Variants in QTMAN observed in about 807,000 individuals in gnomAD.
QTMAN encodes the protein queuosine-tRNA mannosyltransferase.
chr2:143,971,898 A>C, the QTMAN span, among the ~76,000 whole-genome samples: 13 of 152,310 alleles, frequency 8.5e-5, no homozygotes, highest in Non-Finnish European at 1.5e-4. Flanking sequence ...TTCACAATTC[A>C]GTCAATATTT....
the QTMAN span, chr2:144,235,716 A>T: frequency 5.9e-5 from 9 of 152,570 alleles, no homozygotes; most frequent in Admixed American, 1.3e-4. Context: ...ACATATGTCC[A>T]ATCTGGCTAA....
chr2:144,003,222 G>A, the QTMAN span, among the ~76,000 whole-genome samples: 5 of 151,650 alleles, frequency 3.3e-5, no homozygotes. Context: ...AGAGTATGAA[G>A]GAGTCTTGAG....
the QTMAN span, among the ~76,000 whole-genome samples, chr2:144,099,867 G>A: frequency 1.3e-5 from 2 of 152,196 alleles, no homozygotes; most frequent in Non-Finnish European, 2.9e-5. Context: ...TCACCTACAG[G>A]TAGGAATGTT....
At chr2:144,251,685 A>G in the QTMAN span, among the ~76,000 whole-genome samples, 1 of 152,146 alleles carries the variant, frequency 6.6e-6, no homozygotes, top group South Asian at 2.1e-4. Flanking sequence ...TTTTAGATAT[A>G]ACACCAAAAA....
the QTMAN span, among the ~76,000 whole-genome samples, chr2:144,316,554 C>T: frequency 6.6e-6 from 1 of 152,058 alleles, no homozygotes; most frequent in African/African-American, 2.4e-5. Context: ...ATCACCTGCC[C>T]TCCGTATATG....
the QTMAN span, among the ~76,000 whole-genome samples, chr2:144,217,899 T>C: frequency 7.9e-5 from 12 of 152,342 alleles, no homozygotes; most frequent in South Asian, 2.1e-3. Flanking sequence ...AAACAATCTG[T>C]AGTATTTCTG....
the QTMAN span, among the ~76,000 whole-genome samples, chr2:143,948,459 AC>A: frequency 2.0e-5 from 3 of 152,150 alleles, no homozygotes; most frequent in Non-Finnish European, 4.4e-5. Flanking sequence ...ACCAGAGAAT[AC>A]CATTCAATTT....
the QTMAN span, among the ~76,000 whole-genome samples, chr2:144,267,865 A>C: frequency 1.3e-5 from 2 of 152,202 alleles, no homozygotes; most frequent in Admixed American, 1.3e-4. Flanking sequence ...CATTATACTT[A>C]ATAACAACTG....
At chr2:144,011,488 C>T in the QTMAN span, among the ~76,000 whole-genome samples, 1 of 151,984 alleles carries the variant, frequency 6.6e-6, no homozygotes, top group Non-Finnish European at 1.5e-5. Context: ...AATTACTTCA[C>T]ATCAATACCA....
the QTMAN span, among the ~76,000 whole-genome samples, chr2:144,099,590 G>A: frequency 2.6e-5 from 4 of 152,190 alleles, no homozygotes; most frequent in East Asian, 1.9e-4. Flanking sequence ...ATTTCAAGCC[G>A]TAATTGTGTA....
the QTMAN span, among the ~76,000 whole-genome samples, chr2:144,106,381 C>T: frequency 6.6e-6 from 1 of 152,082 alleles, no homozygotes; most frequent in Admixed American, 6.6e-5. Flanking sequence ...CAGAGACACA[C>T]ATAGGCTCAA....
At chr2:144,112,034 T>C in the QTMAN span, among the ~76,000 whole-genome samples, 1 of 152,204 alleles carries the variant, frequency 6.6e-6, no homozygotes, top group Non-Finnish European at 1.5e-5. Flanking sequence ...TATGTTTAAA[T>C]GAAGAATAAC....
the QTMAN span, among the ~76,000 whole-genome samples, chr2:144,321,385 A>G: frequency 0.021 from 3,186 of 152,340 alleles, 48 homozygotes; most frequent in Middle Eastern, 0.037. Context: ...AGAAGTCAAA[A>G]GTATAATTCC....
At chr2:144,208,848 T>A in the QTMAN span, 2 of 1,118,794 alleles carry the variant, frequency 1.8e-6, no homozygotes, top group Middle Eastern at 2.5e-4. Flanking sequence ...ATTACATACA[T>A]GTATAAAATT....
At chr2:144,129,536 G>A in the QTMAN span, among the ~76,000 whole-genome samples, 8 of 151,920 alleles carry the variant, frequency 5.3e-5, 1 homozygote, top group Non-Finnish European at 1.2e-4. Flanking sequence ...TAAGAAACAG[G>A]ACCAAGATTC....
At chr2:144,085,932 C>A in the QTMAN span, among the ~76,000 whole-genome samples, 15 of 152,122 alleles carry the variant, frequency 9.9e-5, no homozygotes, top group Admixed American at 4.6e-4. Context: ...GGGGTTTTCA[C>A]AAGTAATTTA....
At chr2:143,952,874 A>G in the QTMAN span, 1 of 1,359,004 alleles carries the variant, frequency 7.4e-7, no homozygotes, top group East Asian at 2.3e-5. Context: ...GGGTAAGAAT[A>G]TATTAAAAAG....
chr2:144,260,275 A>G, the QTMAN span, among the ~76,000 whole-genome samples: 2 of 152,006 alleles, frequency 1.3e-5, no homozygotes, highest in Admixed American at 1.3e-4. Flanking sequence ...TATGTAGGAT[A>G]CTCCTGCTTC....
chr2:144,155,634 A>G, the QTMAN span, among the ~76,000 whole-genome samples: 1 of 152,120 alleles, frequency 6.6e-6, no homozygotes, highest in Admixed American at 6.6e-5. Context: ...TTCTATCATC[A>G]CTGCAATCCG....
Sources: allele counts gnomAD v4.1 joint callset (sites outside exome capture counted in the v4.1 genomes callset), GRCh38; gene constraint gnomAD v4.1.1; transcripts MANE v1.5; gene names NCBI Gene and HGNC (gene_info 2026-07-23, HGNC 2026-07-21).